TMC3: variants seen among roughly 807,000 people sequenced by gnomAD.
The protein encoded by TMC3 is transmembrane channel like 3.
A neutral mutation model predicts 110.6 loss-of-function variants in TMC3; 98 were observed. The ratio of observed to expected loss-of-function variants is 0.89; its 90% CI spans 0.75 to 1.05. The LOEUF is 1.05. Ranked by LOEUF, TMC3 falls within the 50% of genes least tolerant of loss-of-function variation. The pLI, the probability that TMC3 is intolerant of heterozygous loss-of-function variation, is 0.00. For missense variants in TMC3, 1,319 were observed against 1,373.2 expected, an observed-to-expected ratio of 0.96 and a Z score of 0.62; for synonymous variants, 489 against 513.1, an observed-to-expected ratio of 0.95 and a Z score of 0.63.
Position 81,374,110 on chromosome 15 carries a change from G to A in TMC3, c.-33C>T. The stretch of plus-strand genomic sequence containing the variant: ...AACCCACTGCTAACAATCAGAAGCT[G>A]GCCAGAGAGCTAGGAAGTTGGCAGG... On this transcript the variant is annotated 5_prime_UTR_variant, in exon 1 of 22. Coordinates refer to ENST00000359440, the MANE Select transcript of TMC3 (RefSeq NM_001080532.3). 1 of 1,599,844 alleles carries A rather than the reference G, an allele frequency of 6.3e-7. No homozygotes were observed. The highest frequency in any genetic ancestry group is 1.3e-5 in the African/African-American group (1 of 74,760).
chr15:81,358,270 G>A lies in TMC3; in HGVS notation c.622C>T (p.Leu208Phe), dbSNP rs778759327. 2 of 1,611,678 alleles carry A rather than the reference G, an allele frequency of 1.2e-6. No individual in the cohort carries two copies. Among genetic ancestry groups the A allele is most frequent in the Admixed American group, 1.7e-5 (1 of 59,560 alleles). ...TCCCTGCCGTAATATCCGTAGAAGA[G>A]GACAGAGTACTGGAGGTAGCCCTGC... ...SLGGYLQYSV[L>F]FYGYYGRERK... Residue 208 changes from leucine (L) to phenylalanine (F), a missense_variant, in exon 7 of 22, where the codon CTC becomes TTC. Transcript: ENST00000359440.
chr15:81,374,150 G>C lies in TMC3; in HGVS notation c.-73C>G. 1 of 1,381,588 alleles carries C rather than the reference G, an allele frequency of 7.2e-7. No homozygotes were observed. 85.6% of individuals were successfully genotyped at this position (1,381,588 alleles called of 1,614,324 possible). A position where few individuals can be genotyped will look rare whatever the true frequency, so the allele number is the denominator to read the frequency against. ...AAGTTGGCAGGCAAAGGTCTGTTCC[G>C]AGGTTTCTGAATGGAAGCAGCGGAG... On this transcript the variant is annotated 5_prime_UTR_variant, in exon 1 of 22. Transcript: ENST00000359440.
chr15:81,371,285 A>C (rs1894428698), intron 2 of TMC3, among the ~76,000 whole-genome samples: 1 of 152,224 alleles, frequency 6.6e-6, no homozygotes. Flanking sequence ...ACTATGGATG[A>C]CTTCAGCTAT....
Position 81,332,543 on chromosome 15 carries a change from T to C in TMC3, c.3179A>G (p.Tyr1060Cys), listed in dbSNP as rs1893485741. 1 of 1,613,818 alleles carries C rather than the reference T, an allele frequency of 6.2e-7. No individual in the cohort carries two copies. Among genetic ancestry groups the C allele is most frequent in the African/African-American group, 1.3e-5 (1 of 75,040 alleles). Reference protein sequence around the residue: ...SDQQNSSADQYLQVTHSQGRF... With the variant: ...SDQQNSSADQCLQVTHSQGRF... ...GCCCTGGCTGTGGGTGACCTGCAGG[T>C]ACTGGTCAGCGCTGCTGTTCTGCTG... Residue 1060 changes from tyrosine (Y) to cysteine (C), a missense_variant, in exon 22 of 22, where the codon TAC becomes TGC. Coordinates refer to ENST00000359440, the MANE Select transcript of TMC3 (RefSeq NM_001080532.3).
chr15:81,343,454 G>T, intron 14 of TMC3, 109 bp from the exon 15 acceptor site: 1 of 741,622 alleles, frequency 1.3e-6, no homozygotes, highest in Non-Finnish European at 2.4e-6. Context: ...AACACTTAGA[G>T]ATCAGTGCTT....
At chr15:81,360,014 C>A (rs1894152175) in intron 4 of TMC3, among the ~76,000 whole-genome samples, 1 of 151,818 alleles carries the variant, frequency 6.6e-6, no homozygotes, top group African/African-American at 2.4e-5. Flanking sequence ...AAATTTATAT[C>A]TATTGAGAAA....
intron 2 of TMC3, among the ~76,000 whole-genome samples, chr15:81,371,781 A>G (rs1366173322): frequency 6.6e-6 from 1 of 152,242 alleles, no homozygotes; most frequent in East Asian, 1.9e-4. Flanking sequence ...TGTTAAAAAT[A>G]CAAGGACCCT....
chr15:81,349,357 G>T, intron 11 of TMC3, 101 bp downstream of exon 11: 1 of 629,852 alleles, frequency 1.6e-6, no homozygotes, highest in Non-Finnish European at 2.4e-6. Flanking sequence ...GATTGTCTGA[G>T]AGAAAAGAAG....
intron 19 of TMC3, among the ~76,000 whole-genome samples, chr15:81,337,447 G>A (rs1376811667): frequency 6.6e-6 from 1 of 152,134 alleles, no homozygotes; most frequent in Admixed American, 6.5e-5. Flanking sequence ...GAGGCTTTAG[G>A]GACAAACAGT....
At chr15:81,363,036 C>A (rs1009145855) in intron 3 of TMC3, among the ~76,000 whole-genome samples, 1 of 152,172 alleles carries the variant, frequency 6.6e-6, no homozygotes, top group Non-Finnish European at 1.5e-5. Context: ...ACGGGCAGAT[C>A]ACGAGGTCAG....
In TMC3 at chr15:81,338,950, G is replaced by A. The variant is rs541922164; in HGVS notation, c.1956-170C>T. Among the ~76,000 whole-genome samples the A allele has an allele frequency of 2.0e-5, 3 of 152,324 alleles. No individual in the cohort carries two copies. In the South Asian group the frequency reaches 6.2e-4, roughly 32 times the overall value. On this transcript the variant is annotated intron_variant, in intron 17 of 21. Coordinates refer to ENST00000359440, the MANE Select transcript of TMC3 (RefSeq NM_001080532.3). ...GATGGGGTCATTAATCACATTGCAT[G>A]TATGTGTGTGTTCTAATCGTGTACA...
chr15:81,355,808 A>C (rs779322496), intron 8 of TMC3, 40 bp from the exon 9 acceptor site: 1 of 1,278,264 alleles, frequency 7.8e-7, no homozygotes, highest in Non-Finnish European at 1.1e-6. Context: ...GCTTAGCATC[A>C]TCATTAATTA....
Position 81,349,527 on chromosome 15 carries a change from G to A in TMC3, c.1124C>T (p.Ser375Leu). The change falls in exon 11 of 22, where the codon TCA (serine) becomes TTA (leucine). Residue 375 changes from serine (S) to leucine (L), a missense_variant. Transcript: ENST00000359440. Reference sequence around the variant, plus strand: ...TAAGGCAGCAATGAGGTCAAAGGCTGATGGTGCTATCATGGTGACGAGGGA... The same window carrying A: ...TAAGGCAGCAATGAGGTCAAAGGCTAATGGTGCTATCATGGTGACGAGGGA... Reference protein sequence around the residue: ...VVSLVTMIAPSAFDLIAALEM... With the variant: ...VVSLVTMIAPLAFDLIAALEM... 1 of 1,560,442 alleles carries A rather than the reference G, an allele frequency of 6.4e-7. No individual in the cohort carries two copies. Among genetic ancestry groups the A allele is most frequent in the Non-Finnish European group, 8.7e-7 (1 of 1,151,978 alleles).
chr15:81,353,586 G>GC (rs1893997393), intron 9 of TMC3, among the ~76,000 whole-genome samples: 1 of 152,146 alleles, frequency 6.6e-6, no homozygotes, highest in Admixed American at 6.5e-5. Context: ...TGTTACAATT[G>GC]CCTACGGTAT....
intron 5 of TMC3, 114 bp from the exon 6 acceptor site, chr15:81,358,614 G>A: frequency 2.6e-6 from 2 of 782,142 alleles, no homozygotes; most frequent in Non-Finnish European, 2.0e-6. Context: ...AGATCTCCAG[G>A]GGGTGGATTT....
chr15:81,366,196 C>T (rs776875067), intron 3 of TMC3, among the ~76,000 whole-genome samples: 15 of 152,204 alleles, frequency 9.9e-5, no homozygotes, highest in Non-Finnish European at 1.6e-4. Flanking sequence ...CAAGCAAGTC[C>T]ATGCCACAAT....
rs368151655 is a variant in TMC3 at position 81,358,519 on chromosome 15, A to C, written c.502-19T>G. On this transcript the variant is annotated intron_variant, in intron 5 of 21. Coordinates refer to ENST00000359440, the MANE Select transcript of TMC3 (RefSeq NM_001080532.3). Reference sequence around the variant, plus strand: ...CAATCAGCTGGTGAGAGAAGAAAGCATGTCATGTGGTCCTCTGGGTGGGAG... The same window carrying C: ...CAATCAGCTGGTGAGAGAAGAAAGCCTGTCATGTGGTCCTCTGGGTGGGAG... 1.9e-6 allele frequency: 3 copies of C among 1,593,068 alleles called. No individual in the cohort carries two copies. The East Asian group carries it at 6.8e-5, about 36-fold the overall frequency.
At chr15:81,343,077 A>G (rs535909179) in intron 15 of TMC3, 2 of 504,064 alleles carry the variant, frequency 4.0e-6, no homozygotes, top group Admixed American at 3.3e-5. Context: ...AACATGGATT[A>G]TTTTCTTTTT....
Position 81,358,550 on chromosome 15 carries a change from C to T in TMC3, c.502-50G>A, listed in dbSNP as rs372946846. 195 of 1,484,678 alleles carry T rather than the reference C, an allele frequency of 1.3e-4. 1 individual carries two copies. The East Asian group carries it at 1.4e-3, about 11-fold the overall frequency. The allele number at this position is 1,484,678 out of a possible 1,614,324, so 92.0% of individuals were successfully genotyped here. A position where few individuals can be genotyped will look rare whatever the true frequency, so the allele number is the denominator to read the frequency against. On this transcript the variant is annotated intron_variant, in intron 5 of 21. Transcript: ENST00000359440. The stretch of plus-strand genomic sequence containing the variant: ...TGTGGTCCTCTGGGTGGGAGGGGAC[C>T]GGGAGAAAATGAGAGGTTGATCTCC...
Sources: gnomAD v4.1 joint callset for allele counts (sites outside exome capture counted in the v4.1 genomes callset) on GRCh38, gnomAD v4.1.1 for gene constraint, MANE v1.5 for transcripts, NCBI Gene and HGNC (gene_info 2026-07-23, HGNC 2026-07-21) for gene names.